The following OLR1 variants were observed in gnomAD, a reference collection of about 807,000 sequenced individuals.
OLR1 encodes the protein oxidized low density lipoprotein receptor 1, also known as oxidized low-density lipoprotein receptor 1.
OLR1 carries 23 observed loss-of-function variants against 31.7 expected under a neutral mutation model. The ratio of observed to expected loss-of-function variants is 0.72; its 90% confidence interval spans 0.52 to 1.03. OLR1 has a LOEUF of 1.03. Among genes scored for constraint, OLR1 ranks in the 50% least tolerant of loss-of-function variants. OLR1 has a pLI of 0.00. For synonymous variants in OLR1, 117 were observed against 115.8 expected (o/e 1.01, Z -0.07); for missense variants, 286 against 315.7 (o/e 0.91, Z 0.71).
intron 2 of OLR1, among the ~76,000 whole-genome samples, chr12:10,168,463 T>C (rs1006628023): frequency 1.3e-5 from 2 of 152,182 alleles, no homozygotes; most frequent in African/African-American, 4.8e-5. Flanking sequence ...TTCTAGAATT[T>C]AAATAGGCTC....
rs2742116 is a variant in OLR1, at chr12:10,169,061, T to C, written c.178+13A>G. ...TGCCCCAATAAACATCAGTTCCGTA[T>C]TTTAGCACTTACATTGCATGCCCAG... On this transcript the variant is annotated intron_variant, in intron 2 of 5. Coordinates refer to ENST00000309539, the MANE Select transcript of OLR1 (RefSeq NM_002543.4). The C allele has an allele frequency of 3.2e-6, 5 of 1,584,850 alleles. No individual in the cohort carries two copies. The highest frequency in any genetic ancestry group is 1.4e-5 in the African/African-American group (1 of 73,746).
Position 10,159,563 on chromosome 12 carries a change from T to A in OLR1, c.*317A>T, listed in dbSNP as rs1301944369. The A allele has an allele frequency of 5.1e-6, 1 of 196,200 alleles. No homozygotes were observed. Among genetic ancestry groups the A allele is most frequent in the African/African-American group, 2.3e-5 (1 of 43,462 alleles). The allele number at this position is 196,200 out of a possible 1,614,324, so 12.2% of individuals were successfully genotyped here. ...TAGGAGTGTGAGGGGAAGGTGATAA[T>A]GAGGTAAAGAAGACTGAGTTCAGAG... On this transcript the variant is annotated 3_prime_UTR_variant, in exon 6 of 6. Coordinates refer to ENST00000309539, the MANE Select transcript of OLR1 (RefSeq NM_002543.4).
chr12:10,167,333 G>A (rs571130105), intron 2 of OLR1: 29 of 181,190 alleles, frequency 1.6e-4, no homozygotes, highest in Non-Finnish European at 2.3e-4. Flanking sequence ...AAAGAAATTA[G>A]CTGAGGGTGG....
intron 3 of OLR1, among the ~76,000 whole-genome samples, chr12:10,163,005 TTG>T (rs1378931218): frequency 7.3e-6 from 1 of 137,560 alleles, no homozygotes; most frequent in Non-Finnish European, 1.6e-5. Context: ...TAAGTGATAT[TTG>T]TGTTTGTTAA....
At chr12:10,171,338 T>A (rs1948714797) in intron 1 of OLR1, among the ~76,000 whole-genome samples, 1 of 152,214 alleles carries the variant, frequency 6.6e-6, no homozygotes, top group Non-Finnish European at 1.5e-5. Context: ...TTACCCAGAT[T>A]GTCTGTGGAA....
intron 3 of OLR1, among the ~76,000 whole-genome samples, chr12:10,162,611 T>C (rs1337613206): frequency 6.6e-6 from 1 of 152,166 alleles, no homozygotes; most frequent in South Asian, 2.1e-4. Flanking sequence ...GTGGATCGCT[T>C]GAGGCCAGGA....
chr12:10,162,586 G>GGGA (rs1453173774), intron 3 of OLR1, among the ~76,000 whole-genome samples: 2 of 152,148 alleles, frequency 1.3e-5, no homozygotes, highest in Non-Finnish European at 2.9e-5. Flanking sequence ...CCACCACTTT[G>GGGA]GGAGGCTGAG....
upstream of OLR1, among the ~76,000 whole-genome samples, chr12:10,173,247 A>G (rs546770852): frequency 2.0e-5 from 3 of 152,328 alleles, no homozygotes; most frequent in Admixed American, 2.0e-4. Flanking sequence ...TGTCTTCTGA[A>G]GGAAGTATTT....
chr12:10,169,480 C>T (rs1322175165), intron 1 of OLR1, among the ~76,000 whole-genome samples: 1 of 152,158 alleles, frequency 6.6e-6, no homozygotes, highest in Non-Finnish European at 1.5e-5. Flanking sequence ...GATTCTAAAG[C>T]TTATACTTTA....
chr12:10,161,130 G>A (rs778112459), intron 3 of OLR1, among the ~76,000 whole-genome samples: 9 of 151,938 alleles, frequency 5.9e-5, no homozygotes, highest in Non-Finnish European at 1.0e-4. Flanking sequence ...GTGAGACACC[G>A]CGCCCTGCCC....
intron 3 of OLR1, among the ~76,000 whole-genome samples, chr12:10,163,883 A>G (rs1242585266): frequency 6.6e-6 from 1 of 152,036 alleles, no homozygotes; most frequent in East Asian, 1.9e-4. Context: ...GTGAGCCTAG[A>G]TCGCACCACT....
chr12:10,160,607 A>G lies in OLR1; in HGVS notation c.565-145T>C, dbSNP rs1419576089. 47 of 976,972 alleles carry G rather than the reference A, an allele frequency of 4.8e-5. No individual in the cohort carries two copies. In the East Asian group the frequency reaches 1.1e-3, roughly 24 times the overall value. The allele number at this position is 976,972 out of a possible 1,614,324, so 60.5% of individuals were successfully genotyped here. A position where few individuals can be genotyped will look rare whatever the true frequency, so the allele number is the denominator to read the frequency against. On this transcript the variant is annotated intron_variant, in intron 4 of 5. Transcript: ENST00000309539. ...ACTGTTTTACGGAAACACTTACTGA[A>G]GGCTAGAGATACTACAGAGCCTGTC...
At chr12:10,174,299 G>A (rs1181624707), upstream of OLR1, among the ~76,000 whole-genome samples, 1 of 152,134 alleles carries the variant, frequency 6.6e-6, no homozygotes, top group East Asian at 1.9e-4. Flanking sequence ...CTGTCCTCAA[G>A]TGATCCGCCT....
chr12:10,161,010 C>T, intron 3 of OLR1, 85 bp from the exon 4 acceptor site: 2 of 1,302,236 alleles, frequency 1.5e-6, no homozygotes, highest in South Asian at 1.3e-5. Context: ...CCCCTTAGTT[C>T]TCTCACGTGC....
upstream of OLR1, among the ~76,000 whole-genome samples, chr12:10,173,436 C>T (rs1400949383): frequency 4.6e-5 from 7 of 152,048 alleles, no homozygotes; most frequent in Non-Finnish European, 1.0e-4. Context: ...TTCCCTCCTC[C>T]TCCCTGTTTC....
At chr12:10,166,226 A>G (rs1300617096) in intron 3 of OLR1, among the ~76,000 whole-genome samples, 1 of 151,966 alleles carries the variant, frequency 6.6e-6, no homozygotes, top group Non-Finnish European at 1.5e-5. Flanking sequence ...AAAAAATAAT[A>G]ATAAAATAAA....
chr12:10,160,865 G>A lies in OLR1; in HGVS notation c.485C>T (p.Ser162Leu), dbSNP rs1345856213. The A allele has an allele frequency of 6.8e-6, 11 of 1,613,984 alleles. No individual in the cohort carries two copies. Among genetic ancestry groups the A allele is most frequent in the Non-Finnish European group, 9.3e-6 (11 of 1,180,006 alleles). ...GENCYLFSSG[S>L]FNWEKSQEKC... ...CTCTTGGCTCTTTTCCCAGTTAAAT[G>A]AGCCCGAGGAAAATAGGTAACAGTT... Residue 162 changes from serine to leucine, a missense_variant, in exon 4 of 6, where the codon TCA becomes TTA. By Grantham distance (145) the Ser-to-Leu change is moderately radical. Transcript: ENST00000309539.
chr12:10,165,783 A>C (rs1347070529), intron 3 of OLR1, among the ~76,000 whole-genome samples: 1 of 152,084 alleles, frequency 6.6e-6, no homozygotes, highest in Admixed American at 6.5e-5. Context: ...AAAAGAAAGA[A>C]AAATCTCAAA....
chr12:10,168,145 C>A (rs996200526), intron 2 of OLR1, among the ~76,000 whole-genome samples: 1 of 152,190 alleles, frequency 6.6e-6, no homozygotes, highest in Non-Finnish European at 1.5e-5. Context: ...GTTCTACAAC[C>A]TAAATTCACA....
Sources: allele counts gnomAD v4.1 joint callset (sites outside exome capture counted in the v4.1 genomes callset), GRCh38; gene constraint gnomAD v4.1.1; transcripts MANE v1.5; gene names NCBI Gene and HGNC (gene_info 2026-07-23, HGNC 2026-07-21).